HDAC8: variants seen among roughly 807,000 people sequenced by gnomAD.
HDAC8 encodes histone deacetylase-like 1.
HDAC8 carries 1 observed loss-of-function variant against 32.2 expected under a neutral mutation model. The ratio of observed to expected loss-of-function variants is 0.03; its 90% CI spans 0.01 to 0.15. The LOEUF (loss-of-function observed/expected upper bound fraction) is 0.15, where lower values mean the gene tolerates loss of function less well. Among genes scored for constraint, HDAC8 ranks in the 10% least tolerant of loss-of-function variants. The pLI, the probability that HDAC8 is intolerant of heterozygous loss-of-function variation, is 1.00. For synonymous variants in HDAC8, 108 were observed against 113.9 expected, an observed-to-expected ratio of 0.95 and a Z score of 0.33; for missense variants, 117 against 300.0, an observed-to-expected ratio of 0.39 and a Z score of 4.51.
At chrX:72,385,668 A>G (rs1449463338) in intron 9 of HDAC8, among the ~76,000 whole-genome samples, 5 of 111,886 alleles carry the variant, frequency 4.5e-5, no homozygotes, top group African/African-American at 9.7e-5. Context: ...ATAATAAAAA[A>G]GAATAATAGC....
Position 72,572,225 on chromosome X carries a change from G to C in HDAC8, c.112-116C>G. 3 of 682,807 alleles carry C rather than the reference G, an allele frequency of 4.4e-6. No homozygotes were observed. The South Asian group carries it at 9.3e-5, about 21-fold the overall frequency. The allele number at this position is 682,807 out of a possible 1,213,427, so 56.3% of individuals were successfully genotyped here. ...CTGAACAAAGGAACGGATTAATTTT[G>C]TTTCAACTGGCTTCCCTTCTGTTAA... is the stretch of plus-strand genomic sequence containing the variant. On this transcript the variant is annotated intron_variant, in intron 1 of 10. Transcript: ENST00000373573.
intron 4 of HDAC8, among the ~76,000 whole-genome samples, chrX:72,499,837 A>C (rs2049147602): frequency 8.9e-6 from 1 of 112,047 alleles, no homozygotes; most frequent in Admixed American, 9.5e-5. Flanking sequence ...AGATTGATGA[A>C]TGCAAAAGTT....
chrX:72,444,043 A>G (rs1465647799), intron 9 of HDAC8, among the ~76,000 whole-genome samples: 148 of 110,078 alleles, frequency 1.3e-3, no homozygotes, highest in Non-Finnish European at 2.4e-3. Flanking sequence ...GGCAATAATC[A>G]ATAGCTTACC....
chrX:72,507,629 G>A (rs782575653), intron 4 of HDAC8, among the ~76,000 whole-genome samples: 2 of 111,748 alleles, frequency 1.8e-5, no homozygotes, highest in East Asian at 5.6e-4. Flanking sequence ...TTTTCTTTGA[G>A]CTGGTCCTCA....
Position 72,338,640 on chromosome X carries a change from GATAT to G in HDAC8, c.1112-8568_1112-8565del, listed in dbSNP as rs10632029. On this transcript the variant is annotated intron_variant, in intron 10 of 10. Coordinates refer to ENST00000373573, the MANE Select transcript of HDAC8 (RefSeq NM_018486.3). ...TAACAGCTGTATTAATAGTCACCTT[GATAT>G]ATATATATATATTTATAAATATATA... Among the ~76,000 whole-genome samples the G allele has an allele frequency of 4.4e-5, 4 of 91,713 alleles. No individual in the cohort carries two copies. The South Asian group carries it at 1.6e-3, about 36-fold the overall frequency. 79.6% of individuals were successfully genotyped at this position (91,713 alleles called of 115,157 possible).
At chrX:72,545,615 G>A (rs1371382020) in intron 4 of HDAC8, among the ~76,000 whole-genome samples, 1 of 111,904 alleles carries the variant, frequency 8.9e-6, no homozygotes, top group Non-Finnish European at 1.9e-5. Flanking sequence ...GCTAGTGGTA[G>A]GGATGCCATA....
At chrX:72,336,668 T>TA (rs376297305) in intron 10 of HDAC8, among the ~76,000 whole-genome samples, 51 of 111,861 alleles carry the variant, frequency 4.6e-4, no homozygotes, top group African/African-American at 1.7e-3. Flanking sequence ...TCCTCCCTCC[T>TA]AAGCCTCTCA....
rs144918576 is a variant in HDAC8 at position 72,473,866 on chromosome X, T to C, written c.738-9135A>G. 4,850 of 753,148 alleles carry C rather than the reference T, an allele frequency of 6.4e-3. 12 individuals carry two copies. The highest frequency in any genetic ancestry group is 7.2e-3 in the Non-Finnish European group (4,621 of 639,173). The allele number at this position is 753,148 out of a possible 1,213,427, so 62.1% of individuals were successfully genotyped here. A position where few individuals can be genotyped will look rare whatever the true frequency, so the allele number is the denominator to read the frequency against. ...AAATGTTTACAGAATATGGTACAAA[T>C]TTTCATAGCTAAGAATTCCAGCTCT... is the stretch of plus-strand genomic sequence containing the variant. On this transcript the variant is annotated intron_variant, in intron 7 of 10. Coordinates refer to ENST00000373573, the MANE Select transcript of HDAC8 (RefSeq NM_018486.3).
chrX:72,431,422 T>A (rs1273121731), intron 9 of HDAC8, among the ~76,000 whole-genome samples: 5 of 111,692 alleles, frequency 4.5e-5, no homozygotes, highest in Non-Finnish European at 9.4e-5. Flanking sequence ...TCCCCAACCC[T>A]CTCTGTTGAC....
At chrX:72,513,019 T>C (rs2049644628) in intron 4 of HDAC8, among the ~76,000 whole-genome samples, 1 of 111,958 alleles carries the variant, frequency 8.9e-6, no homozygotes, top group East Asian at 2.8e-4. Context: ...TGCATAGTTT[T>C]GGACTTGTAG....
At chrX:72,407,854 C>T (rs2046089204) in intron 9 of HDAC8, among the ~76,000 whole-genome samples, 1 of 112,270 alleles carries the variant, frequency 8.9e-6, no homozygotes, top group Non-Finnish European at 1.9e-5. Flanking sequence ...GACCAGTTAA[C>T]AAAGACTCTT....
chrX:72,564,212 G>A (rs1337748869), intron 4 of HDAC8, among the ~76,000 whole-genome samples: 4 of 112,165 alleles, frequency 3.6e-5, no homozygotes, highest in Admixed American at 9.4e-5. Context: ...TTGATTAGTA[G>A]TGATGAACAT....
Position 72,360,190 on chromosome X carries a change from A to G in HDAC8, c.1006-8352T>C, listed in dbSNP as rs2044507930. On this transcript the variant is annotated intron_variant, in intron 9 of 10. Coordinates refer to ENST00000373573, the MANE Select transcript of HDAC8 (RefSeq NM_018486.3). ...CCCAAAGTGGTGAAACCCTGTCTCT[A>G]CTAAAAATACAAAAATTAGCCAGGT... is the stretch of plus-strand genomic sequence containing the variant. Among the ~76,000 whole-genome samples, 4 of 109,526 alleles carry G rather than the reference A, an allele frequency of 3.7e-5. No homozygotes were observed. The South Asian group carries it at 1.6e-3, about 44-fold the overall frequency.
At chrX:72,544,015 G>A (rs888181332) in intron 4 of HDAC8, among the ~76,000 whole-genome samples, 1 of 112,354 alleles carries the variant, frequency 8.9e-6, no homozygotes, top group African/African-American at 3.2e-5. Flanking sequence ...TGGGGTAAAT[G>A]GCTGTGACAT....
At chrX:72,409,506 A>C (rs1039309960) in intron 9 of HDAC8, among the ~76,000 whole-genome samples, 1 of 112,326 alleles carries the variant, frequency 8.9e-6, no homozygotes, top group Admixed American at 9.4e-5. Flanking sequence ...TCCATGCTCC[A>C]GCCATACTGA....
intron 7 of HDAC8, among the ~76,000 whole-genome samples, chrX:72,475,762 C>G (rs2048315958): frequency 9.4e-6 from 1 of 106,461 alleles, no homozygotes; most frequent in Admixed American, 9.8e-5. Flanking sequence ...CTTCTAAAAA[C>G]ATGAAAGAAA....
chrX:72,567,100 G>A (rs978667401), intron 4 of HDAC8, among the ~76,000 whole-genome samples: 3 of 112,026 alleles, frequency 2.7e-5, no homozygotes, highest in Non-Finnish European at 3.8e-5. Context: ...AGCTGAGATC[G>A]CGCAACTGCA....
intron 7 of HDAC8, chrX:72,473,885 C>T (rs1555998991): frequency 2.7e-6 from 2 of 752,415 alleles, no homozygotes; most frequent in Non-Finnish European, 3.1e-6. Context: ...CTAAGAATTC[C>T]AGCTCTTCCG....
At chrX:72,380,761 T>G (rs1434676700) in intron 9 of HDAC8, among the ~76,000 whole-genome samples, 2 of 111,260 alleles carry the variant, frequency 1.8e-5, no homozygotes, top group Non-Finnish European at 1.9e-5. Flanking sequence ...AAAAATGTTC[T>G]GAGTAGCCAC....
Sources: allele counts gnomAD v4.1 joint callset (sites outside exome capture counted in the v4.1 genomes callset), GRCh38; gene constraint gnomAD v4.1.1; transcripts MANE v1.5; gene names NCBI Gene and HGNC (gene_info 2026-07-23, HGNC 2026-07-21).